SPTY2D1: variants seen among roughly 807,000 people sequenced by gnomAD.
SPTY2D1 encodes SPT2 chromatin protein domain containing 1.
Under a neutral mutation model 64.0 loss-of-function variants are expected in SPTY2D1, and 21 were observed. The observed-to-expected ratio is 0.33, with a 90% CI of 0.23 to 0.47. SPTY2D1 has a LOEUF of 0.47. SPTY2D1 is among the 20% of genes least tolerant of loss of function. SPTY2D1 has a pLI of 1.00. For synonymous variants in SPTY2D1, 287 were observed against 286.8 expected (o/e 1.00, Z -0.01); for missense variants, 724 against 837.2 (o/e 0.86, Z 1.67).
intron 3 of SPTY2D1, among the ~76,000 whole-genome samples, chr11:18,613,465 T>A (rs1010159107): frequency 1.8e-4 from 27 of 152,202 alleles, no homozygotes; most frequent in African/African-American, 6.3e-4. Flanking sequence ...CAATGACATT[T>A]CGGACCAGAT....
chr11:18,616,807 G>T, intron 2 of SPTY2D1, 68 bp downstream of exon 2: 1 of 1,475,412 alleles, frequency 6.8e-7, no homozygotes, highest in African/African-American at 1.4e-5. Flanking sequence ...GACAGCCACT[G>T]GTTTAGTACA....
chr11:18,625,562 T>G (rs919824606), intron 1 of SPTY2D1, among the ~76,000 whole-genome samples: 4 of 151,998 alleles, frequency 2.6e-5, no homozygotes, highest in African/African-American at 9.7e-5. Flanking sequence ...TCATTTTTTT[T>G]TTTTAGAAAT....
chr11:18,629,699 C>A (rs963584906), intron 1 of SPTY2D1, among the ~76,000 whole-genome samples: 5 of 152,140 alleles, frequency 3.3e-5, no homozygotes, highest in Admixed American at 6.6e-5. Context: ...TCACCTTGAT[C>A]AGCAGTTATT....
intron 1 of SPTY2D1, 129 bp downstream of exon 1, chr11:18,634,069 G>A (rs1854629990): frequency 1.5e-5 from 15 of 1,012,952 alleles, no homozygotes; most frequent in East Asian, 2.4e-5. Flanking sequence ...CCCAAGAAAA[G>A]GAAATAAGGC....
Position 18,622,750 on chromosome 11 carries a change from G to A in SPTY2D1, c.61-5761C>T, listed in dbSNP as rs543540955. Among the ~76,000 whole-genome samples, 378 of 152,056 alleles carry A rather than the reference G, an allele frequency of 2.5e-3. 3 individuals are homozygous for A. Among genetic ancestry groups the A allele is most frequent in the African/African-American group, 8.3e-3 (346 of 41,468 alleles). ...GCAGATCACCTGAGGTCAGGAGTTC[G>A]AGACCAGCCTGATGAACATGATGAA... is the stretch of plus-strand genomic sequence containing the variant. On this transcript the variant is annotated intron_variant, in intron 1 of 5. Transcript: ENST00000336349.
chr11:18,616,000 T>C lies in SPTY2D1; in HGVS notation c.274A>G (p.Asn92Asp). Residue 92 changes from asparagine to aspartate, a missense_variant, in exon 3 of 6, where the codon AAT (asparagine) becomes GAT (aspartate). By Grantham distance (23) the Asn-to-Asp change is conservative. Transcript: ENST00000336349. ...ARAMAKRTKD[N>D]FHGYNGIPIE... ...GGAATCCCATTGTAACCATGGAAATTATCCTTTGTCCTCTTGGCCATAGCT... is the reference window on the plus strand; with the variant it reads ...GGAATCCCATTGTAACCATGGAAATCATCCTTTGTCCTCTTGGCCATAGCT... 1 of 1,614,234 alleles carries C rather than the reference T, an allele frequency of 6.2e-7. No individual in the cohort carries two copies. The highest frequency in any genetic ancestry group is 1.1e-5 in the South Asian group (1 of 91,088).
chr11:18,610,779 A>G (rs1854193588), intron 5 of SPTY2D1, among the ~76,000 whole-genome samples: 1 of 152,156 alleles, frequency 6.6e-6, no homozygotes, highest in South Asian at 2.1e-4. Context: ...AAATCAGAGG[A>G]AATGTAATAT....
chr11:18,615,912 C>T lies in SPTY2D1; in HGVS notation c.362G>A (p.Arg121Gln), dbSNP rs553822395. 1.1e-5 allele frequency: 18 copies of T among 1,614,138 alleles called. No individual in the cohort carries two copies. Among genetic ancestry groups the T allele is most frequent in the African/African-American group, 5.3e-5 (4 of 75,014 alleles). The change falls in exon 3 of 6, where the codon CGA becomes CAA. Residue 121 changes from arginine to glutamine, a missense_variant. Arg to Gln is a conservative substitution (Grantham distance 43). Transcript: ENST00000336349. Reference sequence around the variant, plus strand: ...ATTCTCTTCTTCCATTTCATACTCTCGGTCGGTTCCTTGGCTGGTATGGCT... The same window carrying T: ...ATTCTCTTCTTCCATTTCATACTCTTGGTCGGTTCCTTGGCTGGTATGGCT... The part of the protein sequence containing the change: ...TESHTSQGTD[R>Q]EYEMEEENEF...
At position 18,623,561 on chromosome 11, in the gene SPTY2D1, G is replaced by A. The variant is rs565224213; in HGVS notation, c.61-6572C>T. 3.9e-5 allele frequency among the ~76,000 whole-genome samples: 6 copies of A among 152,330 alleles called. No individual in the cohort carries two copies. The South Asian group carries it at 1.2e-3, about 32-fold the overall frequency. Reference sequence around the variant, plus strand: ...TTTGTAGATATAATATCTACAATCAGTTGACTTTAGGTAAAGAATACTACC... The same window carrying A: ...TTTGTAGATATAATATCTACAATCAATTGACTTTAGGTAAAGAATACTACC... On this transcript the variant is annotated intron_variant, in intron 1 of 5. Coordinates refer to ENST00000336349, the MANE Select transcript of SPTY2D1 (RefSeq NM_194285.3).
At position 18,614,994 on chromosome 11, in the gene SPTY2D1, C is replaced by T. The variant is rs374616113; in HGVS notation, c.1280G>A (p.Arg427Gln). ...AGGGCCACATGTACCACTGACTGTC[C>T]GCCTAGAGGGATTTGAGTCATTGGT... ...KPTNDSNPSR[R>Q]TVSGTCGPGQ... The change falls in exon 3 of 6, where the codon CGG (arginine) becomes CAG (glutamine). Residue 427 changes from arginine (R) to glutamine (Q), a missense_variant. By Grantham distance (43) the Arg-to-Gln change is conservative. Around this residue, in one of 3 missense-constraint regions of SPTY2D1, gnomAD observed 426 missense variants for 431.8 expected, o/e 0.99. Coordinates refer to ENST00000336349, the MANE Select transcript of SPTY2D1 (RefSeq NM_194285.3). 48 of 1,614,024 alleles carry T rather than the reference C, an allele frequency of 3.0e-5. No homozygotes were observed. The highest frequency in any genetic ancestry group is 1.8e-4 in the South Asian group (16 of 91,092).
chr11:18,631,559 A>G (rs1854588249), intron 1 of SPTY2D1, among the ~76,000 whole-genome samples: 1 of 150,838 alleles, frequency 6.6e-6, no homozygotes, highest in African/African-American at 2.4e-5. Context: ...TCTCAAAAAA[A>G]AGAAAAGAAA....
chr11:18,634,170 C>G (rs1347960305), intron 1 of SPTY2D1, 28 bp downstream of exon 1: 13 of 1,613,940 alleles, frequency 8.1e-6, no homozygotes, highest in Non-Finnish European at 1.1e-5. Context: ...CTAGGGTCCC[C>G]TACATTGATG....
rs1854264634 is a variant in SPTY2D1 at position 18,614,827 on chromosome 11, C to T, written c.1447G>A (p.Gly483Ser). ...HELRRPVSGLGPPGRSVSGPG... is the reference protein window; with the variant it reads ...HELRRPVSGLSPPGRSVSGPG... ...CCACTGACAGACCGCCCCGGGGGGC[C>T]CAAGCCACTCACTGGTCGTCGAAGT... Residue 483 changes from glycine to serine, a missense_variant, in exon 3 of 6, where the codon GGC becomes AGC. Around this residue, in one of 3 missense-constraint regions of SPTY2D1, gnomAD observed 426 missense variants for 431.8 expected, o/e 0.99. Transcript: ENST00000336349. 1.2e-6 allele frequency: 2 copies of T among 1,613,600 alleles called. No homozygotes were observed. Among genetic ancestry groups the T allele is most frequent in the East Asian group, 4.5e-5 (2 of 44,870 alleles).
intron 1 of SPTY2D1, among the ~76,000 whole-genome samples, chr11:18,632,110 C>CACTCCAG (rs1277064812): frequency 2.6e-5 from 4 of 151,490 alleles, no homozygotes; most frequent in Non-Finnish European, 2.9e-5. Context: ...CATGCCACTG[C>CACTCCAG]ACTCCAGCCT....
rs150774637 is a variant in SPTY2D1 at position 18,632,755 on chromosome 11, A to C, written c.60+1443T>G. ...CACATATTTTGAAATTTTCTGCTTT[A>C]GGATTATCTGTCTGCTTTTCTCCCA... On this transcript the variant is annotated intron_variant, in intron 1 of 5. Coordinates refer to ENST00000336349, the MANE Select transcript of SPTY2D1 (RefSeq NM_194285.3). Among the ~76,000 whole-genome samples the C allele has an allele frequency of 4.4e-3, 665 of 152,304 alleles. 17 individuals carry two copies. Among genetic ancestry groups the C allele is most frequent in the Non-Finnish European group, 9.3e-4 (63 of 68,034 alleles).
In SPTY2D1 at chr11:18,632,438, G is replaced by A. The variant is rs372860030; in HGVS notation, c.60+1760C>T. Among the ~76,000 whole-genome samples the A allele has an allele frequency of 1.5e-4, 22 of 151,534 alleles. No homozygotes were observed. In the South Asian group the frequency reaches 3.8e-3, roughly 26 times the overall value. ...ACGATCTCAGCTCACTGCAATCTCC[G>A]CCTCCTGGGTTCAAGCAATTCTGTC... On this transcript the variant is annotated intron_variant, in intron 1 of 5. Transcript: ENST00000336349.
intron 1 of SPTY2D1, among the ~76,000 whole-genome samples, chr11:18,626,176 C>G (rs937667557): frequency 6.6e-6 from 1 of 152,126 alleles, no homozygotes; most frequent in Non-Finnish European, 1.5e-5. Context: ...CTAGTTCTAA[C>G]CTCCTTTCCC....
chr11:18,621,881 G>A (rs1854411026), intron 1 of SPTY2D1, among the ~76,000 whole-genome samples: 1 of 151,878 alleles, frequency 6.6e-6, no homozygotes, highest in Admixed American at 6.6e-5. Context: ...GAGCACAGGA[G>A]TTCGAGACCA....
In SPTY2D1 at chr11:18,634,307, A is replaced by G. The variant is rs1854635965; in HGVS notation, c.-50T>C. The G allele has an allele frequency of 1.9e-6, 3 of 1,603,070 alleles. No homozygotes were observed. The highest frequency in any genetic ancestry group is 1.3e-5 in the African/African-American group (1 of 74,704). On this transcript the variant is annotated 5_prime_UTR_variant, in exon 1 of 6. Coordinates refer to ENST00000336349, the MANE Select transcript of SPTY2D1 (RefSeq NM_194285.3). ...GGCCAGGCACTCGGAAAGGACTGAC[A>G]GCGCACCTAACCGAGGCGCCCAGCT... is the stretch of plus-strand genomic sequence containing the variant.
Sources: allele counts gnomAD v4.1 joint callset (sites outside exome capture counted in the v4.1 genomes callset), GRCh38; gene constraint gnomAD v4.1.1; regional missense constraint gnomAD v4.1.1; transcripts MANE v1.5; gene names NCBI Gene and HGNC (gene_info 2026-07-23, HGNC 2026-07-21).